PACRGL: variants seen among roughly 807,000 people sequenced by gnomAD.
PACRGL encodes the protein PACRG-like protein.
PACRGL carries 38 observed loss-of-function variants against 34.5 expected under a neutral mutation model. That is an observed-to-expected ratio of 1.10 (90% CI 0.85 to 1.44). The LOEUF is 1.44. PACRGL is among the 40% of genes most tolerant of loss of function. The probability of loss-of-function intolerance (pLI) is 0.00; values close to 1 mark genes in which losing one functional copy is unlikely to be tolerated. For missense variants in PACRGL, 305 were observed against 281.4 expected (o/e 1.08, Z -0.60); for synonymous variants, 128 against 100.1 (o/e 1.28, Z -1.66).
In PACRGL at chr4:20,731,554, A is replaced by G; in HGVS notation, c.*4213A>G. The G allele has an allele frequency of 4.1e-6, 4 of 985,422 alleles. No individual in the cohort carries two copies. Among genetic ancestry groups the G allele is most frequent in the Non-Finnish European group, 4.8e-6 (4 of 829,920 alleles). 61.0% of individuals were successfully genotyped at this position (985,422 alleles called of 1,614,324 possible). Reference sequence around the variant, plus strand: ...TCAGTCAAAGAGCCATTTCTTGTCCACATACACTAAAACAATGACTTTTCT... The same window carrying G: ...TCAGTCAAAGAGCCATTTCTTGTCCGCATACACTAAAACAATGACTTTTCT... On this transcript the variant is annotated 3_prime_UTR_variant, in exon 9 of 9. Coordinates refer to ENST00000503585, the MANE Select transcript of PACRGL (RefSeq NM_001258345.3).
intron 3 of PACRGL, among the ~76,000 whole-genome samples, chr4:20,706,449 C>T (rs970982046): frequency 1.2e-4 from 19 of 152,008 alleles, no homozygotes; most frequent in Non-Finnish European, 2.4e-4. Context: ...ACTTTCTTAT[C>T]GGATATGCTT....
intron 8 of PACRGL, among the ~76,000 whole-genome samples, chr4:20,744,674 G>A (rs1471977647): frequency 2.6e-5 from 4 of 152,086 alleles, no homozygotes; most frequent in East Asian, 1.9e-4. Context: ...TGTAAATGAC[G>A]TGTTAATGGG....
At chr4:20,724,019 A>G (rs1165126169) in intron 7 of PACRGL, among the ~76,000 whole-genome samples, 1 of 152,190 alleles carries the variant, frequency 6.6e-6, no homozygotes, top group Non-Finnish European at 1.5e-5. Context: ...TTAGAAGTTT[A>G]TTGGAAGAAA....
At chr4:20,705,222 T>C (rs1733988664) in intron 3 of PACRGL, among the ~76,000 whole-genome samples, 5 of 152,198 alleles carry the variant, frequency 3.3e-5, no homozygotes, top group Admixed American at 3.3e-4. Context: ...ATCCTAGTTG[T>C]AGTACTAACC....
chr4:20,723,897 A>C (rs894383951), intron 7 of PACRGL, among the ~76,000 whole-genome samples: 1 of 152,090 alleles, frequency 6.6e-6, no homozygotes, highest in African/African-American at 2.4e-5. Context: ...TGAGACAGAC[A>C]CCACTGAGGA....
chr4:20,761,139 A>T, the PACRGL span, among the ~76,000 whole-genome samples: 1 of 152,100 alleles, frequency 6.6e-6, no homozygotes, highest in Non-Finnish European at 1.5e-5. Flanking sequence ...TTCTTCAGAC[A>T]TCATCTGTAA....
intron 8 of PACRGL, among the ~76,000 whole-genome samples, chr4:20,726,262 C>T (rs1329623978): frequency 6.6e-6 from 1 of 151,906 alleles, no homozygotes; most frequent in South Asian, 2.1e-4. Context: ...GTTGAGTAAT[C>T]CAGGATCCCA....
chr4:20,736,526 T>C (rs545284652), downstream of PACRGL, among the ~76,000 whole-genome samples: 301 of 152,336 alleles, frequency 2.0e-3, 1 homozygote, highest in Middle Eastern at 0.01. Context: ...ATGTGTGCAA[T>C]ATTAGCTGCA....
the PACRGL span, among the ~76,000 whole-genome samples, chr4:20,765,788 A>G: frequency 2.0e-5 from 3 of 152,164 alleles, no homozygotes; most frequent in Non-Finnish European, 2.9e-5. Context: ...TTTCTTTGCA[A>G]TATAACTGCC....
At chr4:20,749,686 G>A in intron 8 of PACRGL, 1 of 1,608,818 alleles carries the variant, frequency 6.2e-7, no homozygotes, top group South Asian at 1.1e-5. Context: ...CTCCATTGTG[G>A]TCTGTATCAA....
rs1195936447 is a variant in PACRGL, at chr4:20,742,744, G to C, written c.*57-9821G>C. Among the ~76,000 whole-genome samples, 16 of 152,260 alleles carry C rather than the reference G, an allele frequency of 1.1e-4. No individual in the cohort carries two copies. The East Asian group carries it at 2.9e-3, about 28-fold the overall frequency. ...ATCAGGCAGGAGAAGGAAATAAAGG[G>C]TATTCAATTAGGGAAAGAAGAAGTC... On this transcript the variant is annotated intron_variant, in intron 8 of 8. Transcript: ENST00000507634.
At chr4:20,704,562 G>A (rs1019990632) in intron 2 of PACRGL, 29 bp downstream of exon 2, 1 of 1,613,482 alleles carries the variant, frequency 6.2e-7, no homozygotes, top group Non-Finnish European at 8.5e-7. Flanking sequence ...TAAGTGAAGA[G>A]GTCAAGTTTG....
At position 20,729,747 on chromosome 4, in the gene PACRGL, ACT is replaced by A. The variant is rs1374969332; in HGVS notation, c.*2407_*2408del. On this transcript the variant is annotated 3_prime_UTR_variant, in exon 9 of 9. Transcript: ENST00000503585. ...TACATACAAATGAGTAGCAAAAAAC[ACT>A]GATATTTTAAAATCACTGATATGTG... The A allele has an allele frequency of 3.9e-5, 8 of 206,640 alleles. No homozygotes were observed. Among genetic ancestry groups the A allele is most frequent in the Admixed American group, 1.7e-4 (3 of 17,180 alleles). 12.8% of individuals were successfully genotyped at this position (206,640 alleles called of 1,614,324 possible).
Position 20,704,802 on chromosome 4 carries a change from A to T in PACRGL, c.195A>T (p.Lys65Asn). ...HPRPSDKLNP[K>N]TINPFGEQSR... ...GACCAAGTGATAAACTGAACCCTAA[A>T]ACAATTAATCCGGTAGGTCCAAAAC... Residue 65 changes from lysine (K) to asparagine (N), a missense_variant, in exon 3 of 9, where the codon AAA becomes AAT. Coordinates refer to ENST00000503585, the MANE Select transcript of PACRGL (RefSeq NM_001258345.3). The T allele has an allele frequency of 6.2e-7, 1 of 1,613,996 alleles. No individual in the cohort carries two copies. Among genetic ancestry groups the T allele is most frequent in the Non-Finnish European group, 8.5e-7 (1 of 1,179,904 alleles).
chr4:20,713,658 A>C, intron 7 of PACRGL, 119 bp downstream of exon 7: 2 of 732,450 alleles, frequency 2.7e-6, no homozygotes, highest in Non-Finnish European at 4.4e-6. Flanking sequence ...CCCTCTACAC[A>C]CTGCTTTGAA....
At chr4:20,701,773 C>G (rs761331725) in intron 1 of PACRGL, 32 of 446,134 alleles carry the variant, frequency 7.2e-5, no homozygotes, top group Non-Finnish European at 1.4e-4. Context: ...TTCAGATACC[C>G]AAATCCACCC....
chr4:20,699,955 C>T (rs1168537431), upstream of PACRGL, among the ~76,000 whole-genome samples: 2 of 152,116 alleles, frequency 1.3e-5, no homozygotes, highest in African/African-American at 4.8e-5. Flanking sequence ...TAAAATACGA[C>T]AGGAAACGAA....
At chr4:20,750,450 C>A (rs374308540) in intron 8 of PACRGL, among the ~76,000 whole-genome samples, 2 of 152,058 alleles carry the variant, frequency 1.3e-5, no homozygotes, top group African/African-American at 4.8e-5. Flanking sequence ...GTAGGGAGCC[C>A]CTACTCTGTC....
chr4:20,741,759 C>A (rs371622889), intron 8 of PACRGL, among the ~76,000 whole-genome samples: 1 of 152,100 alleles, frequency 6.6e-6, no homozygotes, highest in African/African-American at 2.4e-5. Context: ...AAAAACCCTT[C>A]AAAAAATCAA....
Sources: gnomAD v4.1 joint callset for allele counts (sites outside exome capture counted in the v4.1 genomes callset) on GRCh38, gnomAD v4.1.1 for gene constraint, MANE v1.5 for transcripts, NCBI Gene and HGNC (gene_info 2026-07-23, HGNC 2026-07-21) for gene names.